Variants in SYN3 observed in about 807,000 individuals in gnomAD.
The protein encoded by SYN3 is synapsin-3.
SYN3 carries 35 observed loss-of-function variants against 65.8 expected under a neutral mutation model. That is an observed-to-expected ratio of 0.53 (90% CI 0.41 to 0.70). The LOEUF is 0.70. Among genes scored for constraint, SYN3 ranks in the 30% least tolerant of loss-of-function variants. The probability of loss-of-function intolerance (pLI) is 0.00; values close to 1 mark genes in which losing one functional copy is unlikely to be tolerated. For synonymous variants in SYN3, 270 were observed against 292.9 expected (o/e 0.92, Z 0.80); for missense variants, 680 against 749.0 (o/e 0.91, Z 1.08).
intron 1 of SYN3, among the ~76,000 whole-genome samples, chr22:33,013,346 G>T (rs1285793599): frequency 1.3e-5 from 2 of 152,204 alleles, no homozygotes; most frequent in African/African-American, 4.8e-5. Context: ...AATACACAGA[G>T]TGTGGTCATC....
intron 6 of SYN3, among the ~76,000 whole-genome samples, chr22:32,650,811 T>A (rs1267157613): frequency 2.0e-5 from 3 of 152,196 alleles, no homozygotes; most frequent in African/African-American, 7.2e-5. Flanking sequence ...AATGAGATAA[T>A]GCATGCCAAG....
At chr22:32,984,775 T>TG (rs2052475022) in intron 2 of SYN3, among the ~76,000 whole-genome samples, 1 of 152,086 alleles carries the variant, frequency 6.6e-6, no homozygotes, top group Non-Finnish European at 1.5e-5. Flanking sequence ...AAGTACTGGG[T>TG]GGGCCTGGGA....
chr22:32,955,886 A>T (rs986745805), intron 3 of SYN3, among the ~76,000 whole-genome samples: 7 of 151,936 alleles, frequency 4.6e-5, no homozygotes, highest in Non-Finnish European at 1.0e-4. Context: ...CTCAGCCTAC[A>T]TCTTTTTCTC....
At chr22:32,784,176 A>C (rs1272482784) in intron 6 of SYN3, among the ~76,000 whole-genome samples, 1 of 151,976 alleles carries the variant, frequency 6.6e-6, no homozygotes, top group African/African-American at 2.4e-5. Flanking sequence ...TTGATCCCTG[A>C]CTCTTGGTAT....
chr22:33,004,964 C>T (rs1381717930), intron 2 of SYN3, among the ~76,000 whole-genome samples: 4 of 152,052 alleles, frequency 2.6e-5, no homozygotes, highest in Non-Finnish European at 5.9e-5. Flanking sequence ...GGTGGTTACC[C>T]CCACGTTGGT....
At chr22:32,570,028 AG>A (rs1259885126) in intron 7 of SYN3, among the ~76,000 whole-genome samples, 2 of 152,192 alleles carry the variant, frequency 1.3e-5, no homozygotes, top group African/African-American at 2.4e-5. Flanking sequence ...CCCCTCTCCC[AG>A]TCCTCTGAAA....
chr22:32,546,570 G>A lies in SYN3; in HGVS notation c.775-4857C>T, dbSNP rs2058339123. Among the ~76,000 whole-genome samples, 3 of 152,134 alleles carry A rather than the reference G, an allele frequency of 2.0e-5. No homozygotes were observed. In the South Asian group the frequency reaches 6.2e-4, roughly 32 times the overall value. On this transcript the variant is annotated intron_variant, in intron 7 of 13. Coordinates refer to ENST00000358763, the MANE Select transcript of SYN3 (RefSeq NM_003490.4). ...GGGTGGGTGCTGGAGGGGACTCTGG[G>A]ATGGTCCTCAGGCCAGAGAGGGTAG...
At position 32,518,310 on chromosome 22, in the gene SYN3, G is replaced by A; in HGVS notation, c.1343C>T (p.Pro448Leu). Residue 448 changes from proline to leucine, a missense_variant, in exon 13 of 14, where the codon CCT becomes CTT. Physicochemically the swap from Pro to Leu is moderately conservative, Grantham distance 98. Transcript: ENST00000358763. ...GGGGCTTCCAGATCTCTGGGGCTGA[G>A]GAGACTGAGCTTGGCGAGGGCCTCC... ...PQGGPRQAQSPQPQRSGSPSQ... is the reference protein window; with the variant it reads ...PQGGPRQAQSLQPQRSGSPSQ... 2.5e-6 allele frequency: 4 copies of A among 1,609,726 alleles called. No individual in the cohort carries two copies. The highest frequency in any genetic ancestry group is 3.4e-6 in the Non-Finnish European group (4 of 1,177,812).
At chr22:32,967,203 C>T (rs535108233) in intron 3 of SYN3, among the ~76,000 whole-genome samples, 21 of 152,360 alleles carry the variant, frequency 1.4e-4, no homozygotes. Context: ...CAGCTGCCAT[C>T]TGCCTCAGGC....
rs767171577 is a variant in SYN3 at position 33,006,833 on chromosome 22, A to G, written c.-162-9T>C. The G allele has an allele frequency of 2.4e-5, 14 of 584,428 alleles. No homozygotes were observed. The highest frequency in any genetic ancestry group is 3.1e-5 in the Admixed American group (1 of 32,174). The allele number at this position is 584,428 out of a possible 1,614,324, so 36.2% of individuals were successfully genotyped here. Reference sequence around the variant, plus strand: ...CTGCCTTTATTTACCTGCTGGAAATAAGCCAACAAATACATAAGTGGAAAC... The same window carrying G: ...CTGCCTTTATTTACCTGCTGGAAATGAGCCAACAAATACATAAGTGGAAAC... On this transcript the variant is annotated splice_polypyrimidine_tract_variant and intron_variant, in intron 1 of 13. Coordinates refer to ENST00000358763, the MANE Select transcript of SYN3 (RefSeq NM_003490.4).
intron 6 of SYN3, among the ~76,000 whole-genome samples, chr22:32,676,536 T>C (rs1417956507): frequency 3.5e-5 from 3 of 86,604 alleles, no homozygotes; most frequent in African/African-American, 8.6e-5. Flanking sequence ...TTCTTTTTTT[T>C]TTTTTTTTTT....
chr22:32,876,276 C>T, intron 4 of SYN3, among the ~76,000 whole-genome samples: 1 of 152,100 alleles, frequency 6.6e-6, no homozygotes, highest in Non-Finnish European at 1.5e-5. Flanking sequence ...GGGCTGATGA[C>T]TTCATGACTT....
intron 6 of SYN3, among the ~76,000 whole-genome samples, chr22:32,832,952 C>T (rs906139752): frequency 6.6e-5 from 10 of 152,074 alleles, no homozygotes; most frequent in African/African-American, 1.4e-4. Flanking sequence ...AGGCTGGTCT[C>T]GCACTCCTGA....
At chr22:32,998,026 CAAA>C (rs133930) in intron 2 of SYN3, among the ~76,000 whole-genome samples, 6 of 108,096 alleles carry the variant, frequency 5.6e-5, no homozygotes, top group Non-Finnish European at 5.6e-5. Context: ...GACTCCATCT[CAAA>C]AAAAAAAAAA....
In SYN3 at chr22:32,693,592, G is replaced by GTTTTTTTT. The variant is rs1189710191; in HGVS notation, c.712-96864_712-96857dup. On this transcript the variant is annotated intron_variant, in intron 6 of 13. Coordinates refer to ENST00000358763, the MANE Select transcript of SYN3 (RefSeq NM_003490.4). ...ATATAATATTATTTTTCTGTAGCTT[G>GTTTTTTTT]TTTTTTTTTTTTTTTTTTTTTTTGA... Among the ~76,000 whole-genome samples the GTTTTTTTT allele has an allele frequency of 4.9e-3, 442 of 90,496 alleles. 63 individuals are homozygous for GTTTTTTTT. Among genetic ancestry groups the GTTTTTTTT allele is most frequent in the African/African-American group, 0.021 (395 of 19,066 alleles). The allele number at this position is 90,496 out of a possible 152,430, so 59.4% of individuals were successfully genotyped here.
At chr22:32,940,469 T>C (rs1445172607) in intron 3 of SYN3, among the ~76,000 whole-genome samples, 1 of 152,208 alleles carries the variant, frequency 6.6e-6, no homozygotes, top group African/African-American at 2.4e-5. Flanking sequence ...ACTCTCAGTG[T>C]TTCCTGCTAG....
At chr22:32,526,891 T>A (rs1225961094) in intron 12 of SYN3, among the ~76,000 whole-genome samples, 1 of 152,164 alleles carries the variant, frequency 6.6e-6, no homozygotes. Context: ...GGTGCACAGG[T>A]GCTCTGAAGC....
At chr22:32,894,256 T>C (rs2049529701) in intron 4 of SYN3, among the ~76,000 whole-genome samples, 1 of 152,216 alleles carries the variant, frequency 6.6e-6, no homozygotes, top group Admixed American at 6.5e-5. Flanking sequence ...AATGTCCTTC[T>C]CTTTTACATA....
intron 6 of SYN3, among the ~76,000 whole-genome samples, chr22:32,838,873 A>G (rs2146182907): frequency 6.6e-6 from 1 of 151,992 alleles, no homozygotes; most frequent in African/African-American, 2.4e-5. Flanking sequence ...CTGGAGTCCC[A>G]GATGCAGTCC....
Sources: allele counts gnomAD v4.1 joint callset (sites outside exome capture counted in the v4.1 genomes callset), GRCh38; gene constraint gnomAD v4.1.1; transcripts MANE v1.5; gene names NCBI Gene and HGNC (gene_info 2026-07-23, HGNC 2026-07-21).